Variants in ARAP2 observed in about 807,000 individuals in gnomAD.
ARAP2 encodes the protein ArfGAP with RhoGAP domain, ankyrin repeat and PH domain 2, also known as arf-GAP with Rho-GAP domain, ANK repeat and PH domain-containing protein 2.
In ARAP2, 148 loss-of-function variants were observed where a neutral mutation model predicts 194.5. The observed-to-expected ratio is 0.76, with a 90% CI of 0.67 to 0.87. ARAP2 has a LOEUF of 0.87. Among genes scored for constraint, ARAP2 ranks in the 40% least tolerant of loss-of-function variants. The probability of loss-of-function intolerance (pLI) is 0.00; values close to 1 mark genes in which losing one functional copy is unlikely to be tolerated. For synonymous variants in ARAP2, 695 were observed against 683.5 expected, an observed-to-expected ratio of 1.02 and a Z score of -0.26; for missense variants, 2,128 against 1,989.7, an observed-to-expected ratio of 1.07 and a Z score of -1.32.
intron 27 of ARAP2, among the ~76,000 whole-genome samples, chr4:36,103,895 A>AT (rs900312827): frequency 6.6e-6 from 1 of 152,024 alleles, no homozygotes; most frequent in African/African-American, 2.4e-5. Flanking sequence ...ATTTTAGCAA[A>AT]TTTTTTATAT....
At chr4:36,232,437 A>G (rs1212707858) in intron 1 of ARAP2, among the ~76,000 whole-genome samples, 1 of 152,238 alleles carries the variant, frequency 6.6e-6, no homozygotes, top group Non-Finnish European at 1.5e-5. Context: ...CAATAATAAT[A>G]GCAGGTGCTA....
chr4:36,081,413 C>A (rs1270823608), intron 30 of ARAP2, among the ~76,000 whole-genome samples: 1 of 152,116 alleles, frequency 6.6e-6, no homozygotes, highest in African/African-American at 2.4e-5. Context: ...ACATGCAGAT[C>A]TGAAACAGCA....
At chr4:36,106,441 TAA>T (rs1718436738) in intron 27 of ARAP2, among the ~76,000 whole-genome samples, 1 of 151,628 alleles carries the variant, frequency 6.6e-6, no homozygotes, top group African/African-American at 2.4e-5. Flanking sequence ...TTGCATTTTG[TAA>T]AAGTACTTTC....
chr4:36,064,381 G>A (rs971083834), downstream of ARAP2, among the ~76,000 whole-genome samples: 1 of 152,110 alleles, frequency 6.6e-6, no homozygotes, highest in Non-Finnish European at 1.5e-5. Flanking sequence ...TTCTGGGCTG[G>A]GGGAGGGGAG....
chr4:36,087,315 A>G (rs538735266), intron 28 of ARAP2, among the ~76,000 whole-genome samples: 3 of 152,110 alleles, frequency 2.0e-5, no homozygotes, highest in African/African-American at 7.2e-5. Context: ...TGCTTTTCAA[A>G]ATGTAAAAAT....
chr4:36,029,606 T>G (rs1428313558), intron 5 of ARAP2, among the ~76,000 whole-genome samples: 1 of 152,090 alleles, frequency 6.6e-6, no homozygotes. Context: ...GATTTCTACT[T>G]ATGAATATGG....
chr4:36,098,315 C>A (rs1715889542), intron 27 of ARAP2, among the ~76,000 whole-genome samples: 1 of 152,098 alleles, frequency 6.6e-6, no homozygotes, highest in Non-Finnish European at 1.5e-5. Flanking sequence ...CTCAATTCCA[C>A]TTCATTCCCA....
chr4:36,117,491 G>A (rs1283952209), intron 24 of ARAP2, among the ~76,000 whole-genome samples: 4 of 151,670 alleles, frequency 2.6e-5, no homozygotes, highest in South Asian at 2.1e-4. Context: ...CAGCATGTAC[G>A]TTAACAGGAT....
At position 36,078,740 on chromosome 4, in the gene ARAP2, C is replaced by A. The variant is rs146665989; in HGVS notation, c.4608+1476G>T. Among the ~76,000 whole-genome samples, 10 of 152,292 alleles carry A rather than the reference C, an allele frequency of 6.6e-5. No homozygotes were observed. The East Asian group carries it at 1.7e-3, about 26-fold the overall frequency. ...CCTGCATTCATTGTTTAAATTTCAA[C>A]TGCAGAGTCTACTGACTCCAATTAT... On this transcript the variant is annotated intron_variant, in intron 31 of 32. Coordinates refer to ENST00000303965, the MANE Select transcript of ARAP2 (RefSeq NM_015230.4).
intron 27 of ARAP2, among the ~76,000 whole-genome samples, chr4:36,094,170 A>G (rs1440031681): frequency 1.3e-5 from 2 of 152,218 alleles, no homozygotes; most frequent in Non-Finnish European, 2.9e-5. Context: ...CCATGAGCTA[A>G]GAATAATTTT....
intron 8 of ARAP2, among the ~76,000 whole-genome samples, chr4:36,014,589 A>G (rs1715438351): frequency 1.3e-5 from 2 of 152,198 alleles, no homozygotes; most frequent in South Asian, 4.1e-4. Context: ...CTATTATAAT[A>G]CCAAAATCAG....
At chr4:36,177,497 T>C (rs1738228298) in intron 9 of ARAP2, among the ~76,000 whole-genome samples, 1 of 152,154 alleles carries the variant, frequency 6.6e-6, no homozygotes, top group African/African-American at 2.4e-5. Flanking sequence ...TCAACAGCTG[T>C]AAGGGTTCAT....
chr4:36,239,176 T>A (rs554127746), intron 1 of ARAP2, among the ~76,000 whole-genome samples: 2 of 151,914 alleles, frequency 1.3e-5, no homozygotes, highest in South Asian at 2.1e-4. Flanking sequence ...CTTAGGAGGT[T>A]GAGACATGAG....
chr4:36,117,355 T>C (rs1273017222), intron 24 of ARAP2, among the ~76,000 whole-genome samples: 3 of 151,662 alleles, frequency 2.0e-5, no homozygotes, highest in Non-Finnish European at 4.4e-5. Flanking sequence ...ACAACCACAA[T>C]GATTTTCTTT....
downstream of ARAP2, among the ~76,000 whole-genome samples, chr4:36,062,278 G>A (rs1724570094): frequency 6.6e-6 from 1 of 152,128 alleles, no homozygotes; most frequent in Admixed American, 6.5e-5. Flanking sequence ...CTAGGGGGTT[G>A]GGGAGGAATG....
At chr4:36,076,841 A>G (rs917325183) in intron 31 of ARAP2, among the ~76,000 whole-genome samples, 7 of 152,126 alleles carry the variant, frequency 4.6e-5, no homozygotes, top group African/African-American at 1.7e-4. Context: ...ATGTGGCCAA[A>G]ATAGAACTCT....
chr4:36,083,512 G>A, intron 28 of ARAP2, 62 bp from the exon 29 acceptor site: 1 of 1,154,180 alleles, frequency 8.7e-7, no homozygotes, highest in South Asian at 1.5e-5. Context: ...CATTTTCTTT[G>A]AGCATTAATG....
chr4:36,078,551 T>C (rs1728769229), intron 31 of ARAP2, among the ~76,000 whole-genome samples: 1 of 152,180 alleles, frequency 6.6e-6, no homozygotes, highest in African/African-American at 2.4e-5. Flanking sequence ...CATAAATCCT[T>C]AAATCCAAGA....
At chr4:36,072,988 G>C (rs930153970) in intron 32 of ARAP2, among the ~76,000 whole-genome samples, 2 of 152,154 alleles carry the variant, frequency 1.3e-5, no homozygotes, top group African/African-American at 2.4e-5. Flanking sequence ...TTAGGCTCAA[G>C]GAAGATATAA....
Sources: gnomAD v4.1 joint callset for allele counts (sites outside exome capture counted in the v4.1 genomes callset) on GRCh38, gnomAD v4.1.1 for gene constraint, MANE v1.5 for transcripts, NCBI Gene and HGNC (gene_info 2026-07-23, HGNC 2026-07-21) for gene names.